Variants in CLSPN observed in about 807,000 individuals in gnomAD.
The protein encoded by CLSPN is claspin homolog.
CLSPN carries 85 observed loss-of-function variants against 156.3 expected under a neutral mutation model. That is an observed-to-expected ratio of 0.54 (90% CI 0.46 to 0.65). The LOEUF is 0.65. Among genes scored for constraint, CLSPN ranks in the 30% least tolerant of loss-of-function variants. The pLI is 0.00. For synonymous variants in CLSPN, 534 were observed against 542.4 expected (o/e 0.98, Z 0.22); for missense variants, 1,407 against 1,554.9 (o/e 0.90, Z 1.60).
At chr1:35,759,148 G>A (rs1335228960) in intron 8 of CLSPN, among the ~76,000 whole-genome samples, 1 of 152,212 alleles carries the variant, frequency 6.6e-6, no homozygotes, top group Non-Finnish European at 1.5e-5. Context: ...TGAGTTCAGT[G>A]TTGAGGGATC....
At chr1:35,726,306 AG>A (rs1401158442) in intron 24 of CLSPN, among the ~76,000 whole-genome samples, 1 of 152,120 alleles carries the variant, frequency 6.6e-6, no homozygotes, top group Non-Finnish European at 1.5e-5. Context: ...AACAAAAGGT[AG>A]TATGCTTGCT....
intron 16 of CLSPN, among the ~76,000 whole-genome samples, chr1:35,743,915 C>A (rs1458113068): frequency 6.6e-6 from 1 of 152,132 alleles, no homozygotes; most frequent in Non-Finnish European, 1.5e-5. Flanking sequence ...AGCCACCTCG[C>A]CCAGCCAAAT....
rs1641182743 is a variant in CLSPN at position 35,726,152 on chromosome 1, C to CAAAAAAGAAAAA, written c.3910-5173_3910-5172insTTTTTCTTTTTT. ...ACACACCCATAGAAACAGATGCAGA[C>CAAAAAAGAAAAA]AAAAAAAAAAAAAAAAAAAAAAAGC... On this transcript the variant is annotated intron_variant, in intron 24 of 24. Transcript: ENST00000251195. Among the ~76,000 whole-genome samples the CAAAAAAGAAAAA allele has an allele frequency of 4.2e-5, 2 of 48,190 alleles. 1 individual carries two copies. The highest frequency in any genetic ancestry group is 7.3e-5 in the Non-Finnish European group (2 of 27,330). The allele number at this position is 48,190 out of a possible 152,430, so 31.6% of individuals were successfully genotyped here. A position where few individuals can be genotyped will look rare whatever the true frequency, so the allele number is the denominator to read the frequency against.
intron 13 of CLSPN, among the ~76,000 whole-genome samples, 163 bp downstream of exon 13, chr1:35,748,242 T>A (rs1228887650): frequency 1.3e-5 from 2 of 152,154 alleles, no homozygotes; most frequent in Non-Finnish European, 2.9e-5. Context: ...GTAAGAATAC[T>A]GGATGAAGCT....
Position 35,745,710 on chromosome 1 carries a change from T to C in CLSPN, c.2855-148A>G, listed in dbSNP as rs1641856944. On this transcript the variant is annotated intron_variant, in intron 15 of 24. Coordinates refer to ENST00000318121, the MANE Select transcript of CLSPN (RefSeq NM_022111.4). ...CATCTATTCATTCAACAAATCCTTA[T>C]TTAGTGCTTACTATGTGCCATATGT... The C allele has an allele frequency of 9.6e-6, 6 of 621,978 alleles. No individual in the cohort carries two copies. In the South Asian group the frequency reaches 1.1e-4, roughly 12 times the overall value. 38.5% of individuals were successfully genotyped at this position (621,978 alleles called of 1,614,324 possible).
chr1:35,769,539 G>A (rs1642791156), intron 1 of CLSPN, among the ~76,000 whole-genome samples: 1 of 152,230 alleles, frequency 6.6e-6, no homozygotes, highest in Admixed American at 6.5e-5. Flanking sequence ...CAGGAAACGC[G>A]CCAAAGGGGA....
In CLSPN at chr1:35,746,476, C is replaced by T. The variant is rs1641885262; in HGVS notation, c.2854+290G>A. Among the ~76,000 whole-genome samples the T allele has an allele frequency of 6.6e-6, 1 of 151,906 alleles. No homozygotes were observed. Among genetic ancestry groups the T allele is most frequent in the African/African-American group, 2.4e-5 (1 of 41,334 alleles). On this transcript the variant is annotated intron_variant, in intron 15 of 24. Transcript: ENST00000318121. The surrounding 1 kb of genome is among the most constrained non-coding windows in gnomAD (Gnocchi z 4.2). ...CTGGTGTGATCTCAGCTCACTGCAA[C>T]CTTCATCTCCCAGGCTCAAGAGATC...
intron 10 of CLSPN, 85 bp downstream of exon 10, chr1:35,751,165 A>G: frequency 6.6e-7 from 1 of 1,515,958 alleles, no homozygotes; most frequent in Non-Finnish European, 8.8e-7. Context: ...ACAATTGAAC[A>G]TGCTTATTAT....
At chr1:35,728,370 C>T (rs1641241655), downstream of CLSPN, among the ~76,000 whole-genome samples, 1 of 152,140 alleles carries the variant, frequency 6.6e-6, no homozygotes, top group African/African-American at 2.4e-5. Flanking sequence ...GCATGTGCCA[C>T]CATGCCTGGC....
chr1:35,737,142 T>A, intron 23 of CLSPN, 67 bp from the exon 24 acceptor site: 1 of 1,491,474 alleles, frequency 6.7e-7, no homozygotes, highest in Non-Finnish European at 9.3e-7. Flanking sequence ...AGTCCTTCCC[T>A]CCCTGCTTCC....
downstream of CLSPN, among the ~76,000 whole-genome samples, chr1:35,728,077 C>CTTTT (rs59275877): frequency 2.3e-4 from 24 of 103,980 alleles, no homozygotes; most frequent in South Asian, 3.2e-4. Flanking sequence ...AAACCACAAG[C>CTTTT]TTTTTTTTTT....
chr1:35,746,701 G>A lies in CLSPN; in HGVS notation c.2854+65C>T. ...GCATGAGCCACCCCACCCGCCCAGG[G>A]AATTCTTTTCAAGGGCACTGATACT... On this transcript the variant is annotated intron_variant, in intron 15 of 24. Coordinates refer to ENST00000318121, the MANE Select transcript of CLSPN (RefSeq NM_022111.4). The surrounding 1 kb of genome is among the most constrained non-coding windows in gnomAD (Gnocchi z 4.2). The A allele has an allele frequency of 8.7e-7, 1 of 1,143,208 alleles. No homozygotes were observed. The highest frequency in any genetic ancestry group is 1.5e-5 in the African/African-American group (1 of 65,650). 70.8% of individuals were successfully genotyped at this position (1,143,208 alleles called of 1,614,324 possible).
chr1:35,720,830 A>G (rs1421783306), exon 25 of CLSPN: 2 of 1,202,062 alleles, frequency 1.7e-6, no homozygotes, highest in Non-Finnish European at 2.4e-6. Flanking sequence ...AAAGTCATCA[A>G]TTGTTTGTTC....
downstream of CLSPN, among the ~76,000 whole-genome samples, chr1:35,728,652 C>T (rs571863592): frequency 1.3e-5 from 2 of 152,200 alleles, no homozygotes; most frequent in Admixed American, 6.5e-5. Context: ...GTACCCTGCA[C>T]CTCTCACTAA....
Position 35,760,914 on chromosome 1 carries a change from G to T in CLSPN, c.1007C>A (p.Ser336Ter). 2 of 1,600,692 alleles carry T rather than the reference G, an allele frequency of 1.2e-6. No homozygotes were observed. Among genetic ancestry groups the T allele is most frequent in the South Asian group, 2.2e-5 (2 of 89,822 alleles). Residue 336 changes from serine to a stop codon, truncating the protein, a stop_gained and splice_region_variant, in exon 8 of 25, where the codon TCA becomes TAA. Coordinates refer to ENST00000318121, the MANE Select transcript of CLSPN (RefSeq NM_022111.4). LOFTEE classifies it high-confidence loss of function. ...GTGATGGCTTGACTGATATTTAGATGACCTAGAGAAGAGAAATTGAGCTGG... is the reference window on the plus strand; with the variant it reads ...GTGATGGCTTGACTGATATTTAGATTACCTAGAGAAGAGAAATTGAGCTGG... ...CHGNAMALLK[S>*]SKYQSSHHKE...
chr1:35,769,532 G>A (rs1642790825), intron 1 of CLSPN, among the ~76,000 whole-genome samples: 1 of 152,226 alleles, frequency 6.6e-6, no homozygotes. Context: ...TCCGCGACAG[G>A]AAACGCGCCA....
chr1:35,751,335 T>C lies in CLSPN; in HGVS notation c.1943A>G (p.Glu648Gly), dbSNP rs145184580. ...MTDESEEDGE[E>G]KVEKEEKEEE... Reference sequence around the variant, plus strand: ...CTCTTTCTCTTCTTTCTCTACCTTCTCTTCTCCATCTTCCTCAGACTCATC... The same window carrying C: ...CTCTTTCTCTTCTTTCTCTACCTTCCCTTCTCCATCTTCCTCAGACTCATC... The change falls in exon 10 of 25, where the codon GAG (glutamate) becomes GGG (glycine). Residue 648 changes from glutamate (E) to glycine (G), a missense_variant. By Grantham distance (98) the Glu-to-Gly change is moderately conservative. Coordinates refer to ENST00000318121, the MANE Select transcript of CLSPN (RefSeq NM_022111.4). 548 of 1,593,104 alleles carry C rather than the reference T, an allele frequency of 3.4e-4. No homozygotes were observed. The highest frequency in any genetic ancestry group is 4.1e-4 in the Non-Finnish European group (481 of 1,165,440).
rs1641392530 is a variant in CLSPN, at chr1:35,734,375, G to C, written c.*2121C>G. 1.4e-5 allele frequency: 14 copies of C among 984,888 alleles called. No individual in the cohort carries two copies. Among genetic ancestry groups the C allele is most frequent in the Non-Finnish European group, 1.7e-5 (14 of 829,652 alleles). The allele number at this position is 984,888 out of a possible 1,614,324, so 61.0% of individuals were successfully genotyped here. On this transcript the variant is annotated 3_prime_UTR_variant, in exon 25 of 25. Transcript: ENST00000318121. ...AGTATTGTCAAAGTCAACATCTTGA[G>C]TATTAGAAAACTGTAGAAAACCGGC... is the stretch of plus-strand genomic sequence containing the variant.
downstream of CLSPN, among the ~76,000 whole-genome samples, chr1:35,729,287 C>G (rs1321271562): frequency 1.3e-5 from 2 of 152,282 alleles, no homozygotes; most frequent in Admixed American, 1.3e-4. Flanking sequence ...CTCTTCAACC[C>G]TACATCTAGC....
Sources: gnomAD v4.1 joint callset for allele counts (sites outside exome capture counted in the v4.1 genomes callset) on GRCh38, gnomAD v4.1.1 for gene constraint, Gnocchi (gnomAD v3.1) non-coding constraint, MANE v1.5 for transcripts, NCBI Gene and HGNC (gene_info 2026-07-23, HGNC 2026-07-21) for gene names.